The following IPCEF1 variants were observed in gnomAD, a reference collection of about 807,000 sequenced individuals.
IPCEF1 encodes interaction protein for cytohesin exchange factors 1.
In IPCEF1, 31 loss-of-function variants were observed where a neutral mutation model predicts 50.9. That is an observed-to-expected ratio of 0.61 (90% CI 0.46 to 0.82). The LOEUF (loss-of-function observed/expected upper bound fraction) is 0.82. Among genes scored for constraint, IPCEF1 ranks in the 40% least tolerant of loss-of-function variants. The pLI is 0.00. For missense variants in IPCEF1, 458 were observed against 514.0 expected (o/e 0.89, Z 1.05); for synonymous variants, 181 against 192.0 (o/e 0.94, Z 0.47).
intron 3 of IPCEF1, among the ~76,000 whole-genome samples, chr6:154,257,945 C>T (rs997808279): frequency 6.6e-6 from 1 of 152,192 alleles, no homozygotes; most frequent in Non-Finnish European, 1.5e-5. Context: ...TCAAGTGATC[C>T]TCTCGCCTAG....
chr6:154,281,184 C>CAAAAAAAAAAAA (rs35597942), intron 2 of IPCEF1, among the ~76,000 whole-genome samples: 8 of 59,138 alleles, frequency 1.4e-4, no homozygotes, highest in Admixed American at 5.0e-4. Flanking sequence ...TACTAAAATA[C>CAAAAAAAAAAAA]AAAAAAAAAA....
chr6:154,226,966 G>T (rs1779300859), intron 5 of IPCEF1, among the ~76,000 whole-genome samples: 1 of 152,170 alleles, frequency 6.6e-6, no homozygotes, highest in South Asian at 2.1e-4. Flanking sequence ...GGAGGCCAAG[G>T]TGGGCGGATC....
rs999297113 is a variant in IPCEF1 at position 154,158,814 on chromosome 6, C to T, written c.*1014G>A. The T allele has an allele frequency of 3.9e-5, 6 of 152,106 alleles. No homozygotes were observed. The highest frequency in any genetic ancestry group is 1.4e-4 in the African/African-American group (6 of 41,424). The allele number at this position is 152,106 out of a possible 1,614,324, so 9.4% of individuals were successfully genotyped here. ...AACTTCTATAAATATATTTAAATAA[C>T]AAACATAGCTATTCACATAGCACAC... is the stretch of plus-strand genomic sequence containing the variant. On this transcript the variant is annotated 3_prime_UTR_variant, in exon 12 of 12. Transcript: ENST00000367220.
At chr6:154,180,414 A>ATATATATATATATATATATATTTTTTTT (rs1241250621) in intron 10 of IPCEF1, among the ~76,000 whole-genome samples, 1 of 65,264 alleles carries the variant, frequency 1.5e-5, no homozygotes, top group African/African-American at 4.8e-5. Context: ...ATATATATAT[A>ATATATATATATATATATATATTTTTTTT]TTTTTTTTTT....
intron 11 of IPCEF1, among the ~76,000 whole-genome samples, chr6:154,165,012 G>A (rs1029510478): frequency 3.9e-5 from 6 of 152,034 alleles, no homozygotes; most frequent in Non-Finnish European, 5.9e-5. Context: ...ATGCACCTGC[G>A]GCAAATATAA....
At chr6:154,203,819 C>A (rs1221787435) in intron 9 of IPCEF1, among the ~76,000 whole-genome samples, 1 of 152,142 alleles carries the variant, frequency 6.6e-6, no homozygotes, top group Non-Finnish European at 1.5e-5. Flanking sequence ...TTGGCCAGAA[C>A]CAGCTTTGTG....
At chr6:154,331,405 AAGAGAG>A (rs796267175) in intron 1 of IPCEF1, among the ~76,000 whole-genome samples, 1 of 92,948 alleles carries the variant, frequency 1.1e-5, no homozygotes, top group Non-Finnish European at 2.2e-5. Context: ...GAAAGAAAGA[AAGAGAG>A]AGAAAAAGAA....
chr6:154,175,386 C>CTT (rs149218711), intron 10 of IPCEF1, among the ~76,000 whole-genome samples: 4,500 of 143,314 alleles, frequency 0.031, 168 homozygotes, highest in African/African-American at 0.091. Flanking sequence ...AATCCAGGAG[C>CTT]TTTTTTTTTT....
chr6:154,293,171 T>C (rs960297714), intron 1 of IPCEF1, among the ~76,000 whole-genome samples: 1 of 152,222 alleles, frequency 6.6e-6, no homozygotes, highest in African/African-American at 2.4e-5. Context: ...CATGAATCTC[T>C]AAATAGACAT....
chr6:154,173,771 T>C (rs1180090653), intron 10 of IPCEF1, among the ~76,000 whole-genome samples: 1 of 152,112 alleles, frequency 6.6e-6, no homozygotes, highest in African/African-American at 2.4e-5. Flanking sequence ...CAGGAGAACT[T>C]CCCCAACCTA....
In IPCEF1 at chr6:154,199,750, A is replaced by C; in HGVS notation, c.828T>G (p.Ser276Arg). The C allele has an allele frequency of 6.2e-7, 1 of 1,614,234 alleles. No individual in the cohort carries two copies. The highest frequency in any genetic ancestry group is 8.5e-7 in the Non-Finnish European group (1 of 1,180,030). The part of the protein sequence containing the change: ...SESGFLNSLS[S>R]DDTSSLSSNH... ...TGCTACTCAATGAAGAAGTATCATC[A>C]CTAGATAAAGAGTTCAAAAATCCAC... Residue 276 changes from serine (S) to arginine (R), a missense_variant, in exon 10 of 12, where the codon AGT becomes AGG. Physicochemically the swap from Ser to Arg is moderately radical, Grantham distance 110. Coordinates refer to ENST00000367220, the MANE Select transcript of IPCEF1 (RefSeq NM_001130700.2).
intron 10 of IPCEF1, among the ~76,000 whole-genome samples, chr6:154,198,172 C>T (rs1049004240): frequency 2.6e-5 from 4 of 152,070 alleles, no homozygotes; most frequent in African/African-American, 9.7e-5. Flanking sequence ...GAGTTCACAA[C>T]ATCAAAAAAA....
chr6:154,342,327 C>T lies in IPCEF1; in HGVS notation c.-62+14345G>A, dbSNP rs555791129. ...CTCTGCATAACTGAGTCTTCCTTTA[C>T]TCCCTTTTTTAAATTTTATTATTCA... On this transcript the variant is annotated intron_variant, in intron 1 of 11. Coordinates refer to ENST00000367220, the MANE Select transcript of IPCEF1 (RefSeq NM_001130700.2). 3.3e-5 allele frequency among the ~76,000 whole-genome samples: 5 copies of T among 152,326 alleles called. No homozygotes were observed. In the South Asian group the frequency reaches 6.2e-4, roughly 19 times the overall value.
chr6:154,171,121 C>A (rs1300390160), intron 10 of IPCEF1, among the ~76,000 whole-genome samples: 1 of 152,020 alleles, frequency 6.6e-6, no homozygotes, highest in Non-Finnish European at 1.5e-5. Context: ...TACATAAATA[C>A]CCAAGAGAAT....
rs555426818 is a variant in IPCEF1, at chr6:154,273,826, T to A, written c.-17-7862A>T. ...TGGAGTGCAGTGGCGCCATCTCGGC[T>A]CGCTGCAAGCTCCGCCTCCCGGGTT... is the stretch of plus-strand genomic sequence containing the variant. On this transcript the variant is annotated intron_variant, in intron 2 of 11. Coordinates refer to ENST00000367220, the MANE Select transcript of IPCEF1 (RefSeq NM_001130700.2). 2.2e-4 allele frequency among the ~76,000 whole-genome samples: 30 copies of A among 134,792 alleles called. No individual in the cohort carries two copies. In the East Asian group the frequency reaches 6.8e-3, roughly 31 times the overall value. The allele number at this position is 134,792 out of a possible 152,430, so 88.4% of individuals were successfully genotyped here.
chr6:154,248,380 G>T (rs1781234041), intron 3 of IPCEF1, among the ~76,000 whole-genome samples: 1 of 150,712 alleles, frequency 6.6e-6, no homozygotes, highest in African/African-American at 2.4e-5. Flanking sequence ...AGTTCTATTT[G>T]TTTTTTCTTT....
intron 1 of IPCEF1, among the ~76,000 whole-genome samples, chr6:154,302,138 C>T (rs1156298904): frequency 6.6e-6 from 1 of 152,192 alleles, no homozygotes; most frequent in African/African-American, 2.4e-5. Context: ...GATCTATATA[C>T]CAATGCAAAG....
At chr6:154,314,633 C>T (rs897439135) in intron 1 of IPCEF1, among the ~76,000 whole-genome samples, 24 of 152,228 alleles carry the variant, frequency 1.6e-4, no homozygotes, top group African/African-American at 5.8e-4. Flanking sequence ...ATTACTGTTT[C>T]TAATTGAATT....
At chr6:154,235,123 C>T (rs115189817) in intron 5 of IPCEF1, among the ~76,000 whole-genome samples, 2,395 of 152,320 alleles carry the variant, frequency 0.016, 51 homozygotes, top group African/African-American at 0.053. Context: ...TCATCTCTTG[C>T]TATCTAATTA....
Sources: gnomAD v4.1 joint callset for allele counts (sites outside exome capture counted in the v4.1 genomes callset) on GRCh38, gnomAD v4.1.1 for gene constraint, MANE v1.5 for transcripts, NCBI Gene and HGNC (gene_info 2026-07-23, HGNC 2026-07-21) for gene names.